The following CDK17 variants were observed in gnomAD, a reference collection of about 807,000 sequenced individuals.
The protein encoded by CDK17 is cyclin-dependent kinase 17.
A neutral mutation model predicts 77.6 loss-of-function variants in CDK17; 24 were observed. The observed-to-expected ratio is 0.31, with a 90% CI of 0.22 to 0.44. The LOEUF is 0.44. CDK17 is among the 20% of genes least tolerant of loss of function. The pLI is 1.00. For missense variants in CDK17, 429 were observed against 622.5 expected (o/e 0.69, Z 3.31); for synonymous variants, 203 against 210.4 (o/e 0.96, Z 0.30).
At chr12:96,293,002 A>G (rs576347708) in intron 10 of CDK17, among the ~76,000 whole-genome samples, 21 of 152,282 alleles carry the variant, frequency 1.4e-4, no homozygotes, top group African/African-American at 5.1e-4. Context: ...TCAAAGACCT[A>G]AAGAGCTTTT....
chr12:96,286,903 T>A, intron 11 of CDK17, 142 bp from the exon 12 acceptor site: 1 of 604,038 alleles, frequency 1.7e-6, no homozygotes, highest in Non-Finnish European at 2.9e-6. Context: ...TAGATCTAAC[T>A]AATTTGTTCG....
intron 1 of CDK17, among the ~76,000 whole-genome samples, chr12:96,397,369 C>A (rs925956566): frequency 6.6e-6 from 1 of 151,942 alleles, no homozygotes; most frequent in Non-Finnish European, 1.5e-5. Flanking sequence ...GGGATCAATT[C>A]CTCCAATTTC....
chr12:96,338,372 A>C (rs1257331768), intron 1 of CDK17, among the ~76,000 whole-genome samples: 1 of 152,212 alleles, frequency 6.6e-6, no homozygotes, highest in African/African-American at 2.4e-5. Flanking sequence ...TGAGTTTAAC[A>C]GCTTTTCTCT....
chr12:96,343,388 T>G (rs1179068670), intron 1 of CDK17, among the ~76,000 whole-genome samples: 1 of 152,222 alleles, frequency 6.6e-6, no homozygotes, highest in African/African-American at 2.4e-5. Flanking sequence ...GACTTATTAG[T>G]GCCATAGCAG....
intron 1 of CDK17, among the ~76,000 whole-genome samples, chr12:96,354,658 C>G (rs1373584820): frequency 6.6e-6 from 1 of 152,064 alleles, no homozygotes; most frequent in Admixed American, 6.6e-5. Context: ...GGCGGGAGAG[C>G]TGTTTGAGGC....
chr12:96,364,299 T>C (rs949863654), intron 1 of CDK17, among the ~76,000 whole-genome samples: 7 of 152,206 alleles, frequency 4.6e-5, no homozygotes, highest in Non-Finnish European at 8.8e-5. Flanking sequence ...CTGAGTCACA[T>C]GGCAGATGTA....
intron 6 of CDK17, 86 bp downstream of exon 6, chr12:96,300,218 C>T: frequency 2.2e-6 from 2 of 893,546 alleles, no homozygotes; most frequent in Non-Finnish European, 3.7e-6. Context: ...TACGTTTTTT[C>T]CAGGTTAACA....
At chr12:96,375,508 A>AC (rs1555206685) in intron 1 of CDK17, among the ~76,000 whole-genome samples, 4 of 111,720 alleles carry the variant, frequency 3.6e-5, no homozygotes, top group Non-Finnish European at 5.5e-5. Context: ...TCTGATCCTA[A>AC]CCTTTTTTTT....
intron 5 of CDK17, among the ~76,000 whole-genome samples, chr12:96,308,274 G>A (rs1176254091): frequency 6.8e-6 from 1 of 147,612 alleles, no homozygotes; most frequent in Non-Finnish European, 1.5e-5. Flanking sequence ...AGCTGGGTGT[G>A]ATGGTGTACA....
intron 1 of CDK17, among the ~76,000 whole-genome samples, chr12:96,340,904 T>C (rs537826333): frequency 4.8e-4 from 73 of 152,186 alleles, no homozygotes; most frequent in Non-Finnish European, 9.1e-4. Context: ...GTAAACTGCA[T>C]ATATGGGGGT....
intron 3 of CDK17, among the ~76,000 whole-genome samples, chr12:96,316,510 G>A (rs1325228375): frequency 2.5e-4 from 38 of 149,360 alleles, no homozygotes; most frequent in African/African-American, 8.5e-4. Context: ...GCAGGGCACA[G>A]ACAAACAAAA....
chr12:96,302,437 T>G (rs933972708), intron 5 of CDK17, among the ~76,000 whole-genome samples: 1 of 152,128 alleles, frequency 6.6e-6, no homozygotes, highest in Non-Finnish European at 1.5e-5. Flanking sequence ...TCTCTGGAAT[T>G]TAGGTGCTTA....
chr12:96,324,970 C>T (rs1413212576), intron 2 of CDK17, among the ~76,000 whole-genome samples: 1 of 151,950 alleles, frequency 6.6e-6, no homozygotes, highest in Non-Finnish European at 1.5e-5. Flanking sequence ...AGTTTTTAAA[C>T]AATCACAGAC....
At chr12:96,340,792 T>C (rs1200735244) in intron 1 of CDK17, among the ~76,000 whole-genome samples, 2 of 152,212 alleles carry the variant, frequency 1.3e-5, no homozygotes, top group East Asian at 1.9e-4. Flanking sequence ...TAAAATATTT[T>C]ATCAGTTTAA....
At chr12:96,305,854 G>C (rs1488817586) in intron 5 of CDK17, among the ~76,000 whole-genome samples, 1 of 151,984 alleles carries the variant, frequency 6.6e-6, no homozygotes, top group African/African-American at 2.4e-5. Context: ...TGAGTAGCTG[G>C]GACTACAAAG....
At chr12:96,367,971 G>C (rs932594954) in intron 1 of CDK17, among the ~76,000 whole-genome samples, 8 of 152,058 alleles carry the variant, frequency 5.3e-5, no homozygotes. Context: ...AAAAAACACT[G>C]GTCTGCCATA....
intron 1 of CDK17, among the ~76,000 whole-genome samples, chr12:96,380,220 C>A (rs1015456973): frequency 4.7e-5 from 7 of 149,788 alleles, no homozygotes; most frequent in East Asian, 1.9e-4. Flanking sequence ...ACCAGTAATT[C>A]TCATGTCTCT....
At chr12:96,392,571 A>G (rs959256068) in intron 1 of CDK17, among the ~76,000 whole-genome samples, 4 of 152,210 alleles carry the variant, frequency 2.6e-5, no homozygotes, top group African/African-American at 4.8e-5. Context: ...AACTGGACTA[A>G]GGGGAAATGA....
intron 3 of CDK17, among the ~76,000 whole-genome samples, chr12:96,316,543 C>A (rs1262247415): frequency 1.0e-4 from 15 of 146,872 alleles, no homozygotes; most frequent in Admixed American, 2.8e-4. Flanking sequence ...CCTCTGCAGA[C>A]TTAAATGTCC....
Sources: gnomAD v4.1 joint callset for allele counts (sites outside exome capture counted in the v4.1 genomes callset) on GRCh38, gnomAD v4.1.1 for gene constraint, MANE v1.5 for transcripts, NCBI Gene and HGNC (gene_info 2026-07-23, HGNC 2026-07-21) for gene names.